The following NT5DC2 variants were observed in gnomAD, a reference collection of about 807,000 sequenced individuals.
The protein encoded by NT5DC2 is 5'-nucleotidase domain containing 2.
NT5DC2 carries 41 observed loss-of-function variants against 70.0 expected under a neutral mutation model. That is an observed-to-expected ratio of 0.59 (90% CI 0.46 to 0.76). NT5DC2 has a LOEUF of 0.76. Among genes scored for constraint, NT5DC2 ranks in the 30% least tolerant of loss-of-function variants. NT5DC2 has a pLI of 0.00. For synonymous variants in NT5DC2, 299 were observed against 310.4 expected (o/e 0.96, Z 0.39); for missense variants, 705 against 783.2 (o/e 0.90, Z 1.19).
intron 10 of NT5DC2, among the ~76,000 whole-genome samples, chr3:52,526,934 G>A (rs553934539): frequency 4.6e-5 from 7 of 152,346 alleles, no homozygotes; most frequent in Admixed American, 1.3e-4. Flanking sequence ...AAACTGCTGG[G>A]ATTATAGGCA....
Position 52,531,426 on chromosome 3 carries a change from G to A in NT5DC2, c.232+2080C>T, listed in dbSNP as rs1357432807. Among the ~76,000 whole-genome samples the A allele has an allele frequency of 6.6e-6, 1 of 152,124 alleles. No individual in the cohort carries two copies. The highest frequency in any genetic ancestry group is 1.9e-4 in the East Asian group (1 of 5,184). The stretch of plus-strand genomic sequence containing the variant: ...ATACCAACTGTGACTGTGACTCTTG[G>A]TGCAGAAGACCTGGGAGGGTCTGCT... On this transcript the variant is annotated intron_variant, in intron 1 of 13. Coordinates refer to ENST00000422318, the MANE Select transcript of NT5DC2 (RefSeq NM_001134231.2). This position sits in a 1 kb window ranked among gnomAD's most constrained non-coding sequence, Gnocchi z 4.1.
chr3:52,534,761 T>C, upstream of NT5DC2: 3 of 1,448,834 alleles, frequency 2.1e-6, no homozygotes, highest in Non-Finnish European at 2.8e-6. Context: ...GGGAGCCAGC[T>C]GGGCGCGCGT....
At chr3:52,533,437 T>C in intron 1 of NT5DC2, 69 bp downstream of exon 1, 1 of 1,428,074 alleles carries the variant, frequency 7.0e-7, no homozygotes. Context: ...AGCGGCACCC[T>C]GGGGCTCGGT....
Position 52,525,306 on chromosome 3 carries a change from G to T in NT5DC2, c.1120-11C>A. On this transcript the variant is annotated splice_polypyrimidine_tract_variant and intron_variant, in intron 10 of 13. Transcript: ENST00000422318. ...GTCAAACAGGTTTCCCTAGGGAGAG[G>T]AGGGGAATGCTGCTGAGCCAAGTGT... 1 of 1,608,402 alleles carries T rather than the reference G, an allele frequency of 6.2e-7. No homozygotes were observed. The highest frequency in any genetic ancestry group is 8.5e-7 in the Non-Finnish European group (1 of 1,176,652).
chr3:52,534,582 C>CTT, upstream of NT5DC2: 2 of 1,613,852 alleles, frequency 1.2e-6, no homozygotes, highest in Non-Finnish European at 8.5e-7. Flanking sequence ...ATGCTGTGGT[C>CTT]TTTTCTAGCA....
chr3:52,525,596 A>G (rs904805907), intron 10 of NT5DC2: 4 of 376,324 alleles, frequency 1.1e-5, no homozygotes, highest in African/African-American at 6.3e-5. Context: ...TGTAAGGTAG[A>G]AACTGCAGGG....
At chr3:52,530,182 G>A (rs2079340815) in intron 1 of NT5DC2, among the ~76,000 whole-genome samples, 1 of 152,228 alleles carries the variant, frequency 6.6e-6, no homozygotes, top group African/African-American at 2.4e-5. Context: ...AGGACGTGAT[G>A]TCAGGTTCTG....
chr3:52,524,859 C>A lies in NT5DC2; in HGVS notation c.1370G>T (p.Arg457Met), dbSNP rs1021652893. Residue 457 changes from arginine (R) to methionine (M), a missense_variant, in exon 13 of 14, where the codon AGG becomes ATG. Physicochemically the swap from Arg to Met is moderately conservative, Grantham distance 91. Coordinates refer to ENST00000422318, the MANE Select transcript of NT5DC2 (RefSeq NM_001134231.2). ...RMQTYQDAES[R>M]QVLAAWMKER... The stretch of plus-strand genomic sequence containing the variant: ...TTTCATCCAGGCAGCCAGCACCTGC[C>A]TCGACTCCGCGTCCTGATAGGTCTG... 2 of 1,612,360 alleles carry A rather than the reference C, an allele frequency of 1.2e-6. No homozygotes were observed. Among genetic ancestry groups the A allele is most frequent in the African/African-American group, 2.7e-5 (2 of 74,898 alleles).
chr3:52,530,546 A>C (rs2079345662), intron 1 of NT5DC2, among the ~76,000 whole-genome samples: 1 of 152,126 alleles, frequency 6.6e-6, no homozygotes, highest in Non-Finnish European at 1.5e-5. Context: ...TAGTTTCTAA[A>C]AGGGTACAAA....
Position 52,528,944 on chromosome 3 carries a change from G to A in NT5DC2, c.418-9C>T. On this transcript the variant is annotated splice_polypyrimidine_tract_variant and intron_variant, in intron 2 of 13. Transcript: ENST00000422318. Reference sequence around the variant, plus strand: ...CGAATCCCTTCTGGGTACTGCCGGGGGAAAGGGGCCAGGCCTAAGCCAATA... The same window carrying A: ...CGAATCCCTTCTGGGTACTGCCGGGAGAAAGGGGCCAGGCCTAAGCCAATA... The A allele has an allele frequency of 6.2e-7, 1 of 1,613,948 alleles. No homozygotes were observed. Among genetic ancestry groups the A allele is most frequent in the Non-Finnish European group, 8.5e-7 (1 of 1,179,996 alleles).
chr3:52,533,421 C>T, intron 1 of NT5DC2, 85 bp downstream of exon 1: 5 of 1,373,010 alleles, frequency 3.6e-6, no homozygotes, highest in Non-Finnish European at 4.8e-6. Flanking sequence ...GGTGTTTCCC[C>T]GGAGGAGCGG....
upstream of NT5DC2, chr3:52,534,611 A>G (rs553858870): frequency 6.2e-7 from 1 of 1,613,916 alleles, no homozygotes; most frequent in Non-Finnish European, 8.5e-7. Context: ...AGGCTTTCCA[A>G]CAAAATTCCT....
rs559313612 is a variant in NT5DC2 at position 52,528,980 on chromosome 3, A to G, written c.418-45T>C. ...AGGCCTAAGCCAATAGCCCTGCCAG[A>G]CCTGCTGGCTGGGTGGCCACCCCAG... is the stretch of plus-strand genomic sequence containing the variant. On this transcript the variant is annotated intron_variant, in intron 2 of 13. Transcript: ENST00000422318. 10 of 1,601,696 alleles carry G rather than the reference A, an allele frequency of 6.2e-6. No homozygotes were observed. In the East Asian group the frequency reaches 1.8e-4, roughly 29 times the overall value.
At chr3:52,525,922 A>T (rs2079257904) in intron 10 of NT5DC2, 1 of 152,386 alleles carries the variant, frequency 6.6e-6, no homozygotes, top group Non-Finnish European at 1.5e-5. Flanking sequence ...TCAGAAGTGG[A>T]AGCGCTGGGG....
At chr3:52,534,447 C>G, upstream of NT5DC2, 1 of 1,605,296 alleles carries the variant, frequency 6.2e-7, no homozygotes, top group Non-Finnish European at 8.5e-7. Context: ...GTCCGCTAAC[C>G]AGGTGACTGG....
At chr3:52,527,956 G>A in intron 7 of NT5DC2, 25 bp from the exon 8 acceptor site, 1 of 1,613,394 alleles carries the variant, frequency 6.2e-7, no homozygotes. Context: ...GAGTCTGTGA[G>A]GGTCAGTCCT....
chr3:52,528,252 G>T lies in NT5DC2; in HGVS notation c.702C>A (p.Ser234=). ...GGCCCAGAAAGTAGTCCACCACACAGGACAGCAGAGCCATCTCCGGTAGCG... is the reference window on the plus strand; with the variant it reads ...GGCCCAGAAAGTAGTCCACCACACATGACAGCAGAGCCATCTCCGGTAGCG... ...IFSLPEMALL[S]CVVDYFLGHS... is the part of the protein sequence containing the mutation. Residue 234 remains serine (S), a synonymous_variant, in exon 6 of 14, where the codon TCC becomes TCA. Coordinates refer to ENST00000422318, the MANE Select transcript of NT5DC2 (RefSeq NM_001134231.2). 6.2e-7 allele frequency: 1 copy of T among 1,613,446 alleles called. No homozygotes were observed.
chr3:52,529,683 C>A lies in NT5DC2; in HGVS notation c.233-349G>T, dbSNP rs2079334184. On this transcript the variant is annotated intron_variant, in intron 1 of 13. Transcript: ENST00000422318. The surrounding 1 kb of genome is among the most constrained non-coding windows in gnomAD (Gnocchi z 4.1). ...CAAGGCCATGCTAGAACCCTGGCAGCAGTCACTCAACTCCTCACCGCCTAG... is the reference window on the plus strand; with the variant it reads ...CAAGGCCATGCTAGAACCCTGGCAGAAGTCACTCAACTCCTCACCGCCTAG... Among the ~76,000 whole-genome samples the A allele has an allele frequency of 6.6e-6, 1 of 152,156 alleles. No individual in the cohort carries two copies.
Position 52,533,646 on chromosome 3 carries a change from C to T in NT5DC2, c.92G>A (p.Cys31Tyr), listed in dbSNP as rs2079390439. Residue 31 changes from cysteine (C) to tyrosine (Y), a missense_variant, in exon 1 of 14, where the codon TGC becomes TAC. Physicochemically the swap from Cys to Tyr is radical, Grantham distance 194 (BLOSUM62 -2). Transcript: ENST00000422318. ...GGGACCCGGGGGGCCGCACCCAGGG[C>T]AGGAGGGCGAGGACGAGGCGGCTCG... is the stretch of plus-strand genomic sequence containing the variant. ...GPRAASSSPSCPGCGPPGPGA... is the reference protein window; with the variant it reads ...GPRAASSSPSYPGCGPPGPGA... 17 of 1,188,580 alleles carry T rather than the reference C, an allele frequency of 1.4e-5. No individual in the cohort carries two copies. The highest frequency in any genetic ancestry group is 1.8e-5 in the Non-Finnish European group (17 of 961,314). 73.6% of individuals were successfully genotyped at this position (1,188,580 alleles called of 1,614,324 possible). A position where few individuals can be genotyped will look rare whatever the true frequency, so the allele number is the denominator to read the frequency against.
Sources: allele counts gnomAD v4.1 joint callset (sites outside exome capture counted in the v4.1 genomes callset), GRCh38; gene constraint gnomAD v4.1.1; non-coding constraint Gnocchi (gnomAD v3.1); transcripts MANE v1.5; gene names NCBI Gene and HGNC (gene_info 2026-07-23, HGNC 2026-07-21).